Variants in KANK1 observed in about 807,000 individuals in gnomAD.
KANK1 encodes the protein KN motif and ankyrin repeat domain-containing protein 1.
Under a neutral mutation model 106.2 loss-of-function variants are expected in KANK1, and 109 were observed. The ratio of observed to expected loss-of-function variants is 1.03; its 90% CI spans 0.88 to 1.20. KANK1 has a LOEUF of 1.20. KANK1 is among the 50% of genes most tolerant of loss of function. KANK1 has a pLI of 0.00. For synonymous variants in KANK1, 873 were observed against 652.2 expected, an observed-to-expected ratio of 1.34 and a Z score of -5.16; for missense variants, 2,399 against 1,710.7, an observed-to-expected ratio of 1.40 and a Z score of -7.10.
intron 1 of KANK1, among the ~76,000 whole-genome samples, chr9:629,591 A>G (rs1835181817): frequency 6.6e-6 from 1 of 152,182 alleles, no homozygotes; most frequent in Non-Finnish European, 1.5e-5. Context: ...AAACATCCAA[A>G]CACATCCTGA....
chr9:608,939 G>A (rs1357984845), intron 1 of KANK1, among the ~76,000 whole-genome samples: 1 of 152,104 alleles, frequency 6.6e-6, no homozygotes, highest in Non-Finnish European at 1.5e-5. Context: ...GGAAGCATGG[G>A]AAATAACACA....
chr9:531,786 G>A lies in KANK1; in HGVS notation c.-84+27032G>A, dbSNP rs562304178. ...GTGGCAGAATAAAACGCCTTCTGGCGTCTGTCCTCACTGTTACTCTGAAAT... is the reference window on the plus strand; with the variant it reads ...GTGGCAGAATAAAACGCCTTCTGGCATCTGTCCTCACTGTTACTCTGAAAT... On this transcript the variant is annotated intron_variant, in intron 1 of 11. Coordinates refer to ENST00000382297, the MANE Select transcript of KANK1 (RefSeq NM_015158.5). Among the ~76,000 whole-genome samples the A allele has an allele frequency of 2.6e-5, 4 of 152,306 alleles. No individual in the cohort carries two copies. The East Asian group carries it at 5.8e-4, about 22-fold the overall frequency.
At chr9:513,392 G>T (rs573388265) in intron 1 of KANK1, among the ~76,000 whole-genome samples, 1 of 152,242 alleles carries the variant, frequency 6.6e-6, no homozygotes, top group South Asian at 2.1e-4. Context: ...AGAGTGTCAG[G>T]AGCCCTGTAA....
chr9:533,900 C>T (rs781519886), intron 1 of KANK1, among the ~76,000 whole-genome samples: 2 of 152,206 alleles, frequency 1.3e-5, no homozygotes, highest in East Asian at 1.9e-4. Flanking sequence ...AAAACAAAAC[C>T]ACCAGGCACA....
intron 1 of KANK1, among the ~76,000 whole-genome samples, chr9:543,423 G>C (rs532978943): frequency 6.1e-4 from 93 of 152,082 alleles, no homozygotes; most frequent in African/African-American, 2.2e-3. Context: ...GCTGTGCATG[G>C]TAACGGGCGC....
intron 1 of KANK1, among the ~76,000 whole-genome samples, chr9:610,554 G>A (rs879133535): frequency 2.6e-5 from 4 of 152,154 alleles, no homozygotes; most frequent in Admixed American, 6.5e-5. Context: ...TGGTTTGACC[G>A]AGTACCCTCT....
Position 528,469 on chromosome 9 carries a change from C to CTTTTTTTTTTTTTTT in KANK1, c.-84+23731_-84+23745dup, listed in dbSNP as rs36072780. The stretch of plus-strand genomic sequence containing the variant: ...ACCATTTTACTGAATTAAAAAATAA[C>CTTTTTTTTTTTTTTT]TTTTTTTTTTTTTTTTTTTTTTTTT... On this transcript the variant is annotated intron_variant, in intron 1 of 11. Coordinates refer to ENST00000382297, the MANE Select transcript of KANK1 (RefSeq NM_015158.5). 3.8e-4 allele frequency among the ~76,000 whole-genome samples: 32 copies of CTTTTTTTTTTTTTTT among 85,124 alleles called. 3 individuals are homozygous for CTTTTTTTTTTTTTTT. Among genetic ancestry groups the CTTTTTTTTTTTTTTT allele is most frequent in the Non-Finnish European group, 4.6e-4 (19 of 41,362 alleles). The allele number at this position is 85,124 out of a possible 152,430, so 55.8% of individuals were successfully genotyped here.
chr9:673,857 C>G (rs1815804535), intron 1 of KANK1: 1 of 151,996 alleles, frequency 6.6e-6, no homozygotes, highest in African/African-American at 2.4e-5. Flanking sequence ...TGCAAACACA[C>G]AAGGCTAGCA....
chr9:577,167 G>GT (rs1820786335), intron 1 of KANK1, among the ~76,000 whole-genome samples: 1 of 152,194 alleles, frequency 6.6e-6, no homozygotes, highest in Non-Finnish European at 1.5e-5. Flanking sequence ...AGCATGGAAG[G>GT]GAACCCAAGC....
At chr9:538,578 A>G (rs1209761281) in intron 1 of KANK1, among the ~76,000 whole-genome samples, 1 of 152,196 alleles carries the variant, frequency 6.6e-6, no homozygotes, top group Non-Finnish European at 1.5e-5. Flanking sequence ...AATTATAGAT[A>G]CCTGCAGAGG....
chr9:660,646 C>G (rs73639393), intron 1 of KANK1, among the ~76,000 whole-genome samples: 24,253 of 152,072 alleles, frequency 0.16, 2,771 homozygotes, highest in East Asian at 0.33. Context: ...GCCAGAAGCT[C>G]CTCCGCTCTC....
intron 1 of KANK1, among the ~76,000 whole-genome samples, chr9:580,107 A>G (rs546961953): frequency 2.6e-5 from 4 of 152,220 alleles, no homozygotes; most frequent in African/African-American, 9.6e-5. Flanking sequence ...GAGTTTCTTC[A>G]TTCTGGTAGG....
intron 1 of KANK1, among the ~76,000 whole-genome samples, chr9:631,051 T>C (rs974610147): frequency 3.9e-5 from 6 of 152,156 alleles, no homozygotes; most frequent in Non-Finnish European, 7.4e-5. Flanking sequence ...GGTAGAAATA[T>C]GTATCTTGGT....
intron 1 of KANK1, among the ~76,000 whole-genome samples, chr9:634,215 C>G (rs1195014315): frequency 1.3e-5 from 2 of 152,174 alleles, no homozygotes; most frequent in Non-Finnish European, 2.9e-5. Flanking sequence ...TAGGGCTCTT[C>G]AAGGATAGTT....
chr9:498,398 G>C (rs113539554), intron 3 of KANK1, among the ~76,000 whole-genome samples: 20 of 152,220 alleles, frequency 1.3e-4, no homozygotes, highest in South Asian at 6.2e-4. Context: ...CTGAGACAAT[G>C]GACACAAGAC....
intron 1 of KANK1, among the ~76,000 whole-genome samples, chr9:542,650 G>A (rs1204417525): frequency 6.6e-5 from 10 of 152,180 alleles, no homozygotes; most frequent in Non-Finnish European, 1.5e-5. Flanking sequence ...TGGAGACAGT[G>A]GAAGTGTTCA....
rs769451030 is a variant in KANK1, at chr9:712,473, G to T, written c.1707G>T (p.Trp569Cys). 1 of 1,614,192 alleles carries T rather than the reference G, an allele frequency of 6.2e-7. No homozygotes were observed. The highest frequency in any genetic ancestry group is 1.1e-5 in the South Asian group (1 of 91,082). ...GGCCTGAGCTGCCTATGAATTGGTG[G>T]ATTGTTAAGGAGAGGGTGGAAATGC... is the stretch of plus-strand genomic sequence containing the variant. ...VVGPELPMNW[W>C]IVKERVEMHD... The change falls in exon 3 of 12, where the codon TGG becomes TGT. Residue 569 changes from tryptophan (W) to cysteine (C), a missense_variant. By Grantham distance (215) the Trp-to-Cys change is radical. Coordinates refer to ENST00000382297, the MANE Select transcript of KANK1 (RefSeq NM_015158.5).
At chr9:664,782 A>T (rs777089557) in intron 1 of KANK1, among the ~76,000 whole-genome samples, 3 of 152,208 alleles carry the variant, frequency 2.0e-5, no homozygotes, top group South Asian at 2.1e-4. Flanking sequence ...ACTAATTTAC[A>T]TTCCCACCAA....
At chr9:676,411 A>G (rs866318368) in intron 1 of KANK1, among the ~76,000 whole-genome samples, 7 of 152,348 alleles carry the variant, frequency 4.6e-5, no homozygotes, top group Middle Eastern at 6.8e-3. Context: ...AGGCGTTGGT[A>G]GAAAGACTTC....
Sources: allele counts gnomAD v4.1 joint callset (sites outside exome capture counted in the v4.1 genomes callset), GRCh38; gene constraint gnomAD v4.1.1; transcripts MANE v1.5; gene names NCBI Gene and HGNC (gene_info 2026-07-23, HGNC 2026-07-21).